The following VPS41 variants were observed in gnomAD, a reference collection of about 807,000 sequenced individuals.
The protein encoded by VPS41 is VPS41 subunit of HOPS complex, also known as vacuolar protein sorting-associated protein 41 homolog.
Under a neutral mutation model 130.9 loss-of-function variants are expected in VPS41, and 85 were observed. The ratio of observed to expected loss-of-function variants is 0.65; its 90% CI spans 0.55 to 0.78. VPS41 has a LOEUF of 0.78. VPS41 is among the 30% of genes least tolerant of loss of function. The probability of loss-of-function intolerance (pLI) is 0.00; values close to 1 mark genes in which losing one functional copy is unlikely to be tolerated. For synonymous variants in VPS41, 335 were observed against 332.9 expected (o/e 1.01, Z -0.07); for missense variants, 874 against 1,018.7 (o/e 0.86, Z 1.93).
At chr7:38,811,001 T>C (rs532340451) in intron 7 of VPS41, among the ~76,000 whole-genome samples, 1 of 152,120 alleles carries the variant, frequency 6.6e-6, no homozygotes, top group Non-Finnish European at 1.5e-5. Context: ...GATATAAACC[T>C]CTATAACTCA....
intron 2 of VPS41, among the ~76,000 whole-genome samples, chr7:38,881,730 G>A (rs113544659): frequency 3.3e-5 from 5 of 152,180 alleles, no homozygotes; most frequent in Middle Eastern, 3.4e-3. Flanking sequence ...TTTGACAAAG[G>A]CCTCCTCAAA....
chr7:38,735,490 T>G (rs1795745019), intron 25 of VPS41, among the ~76,000 whole-genome samples: 1 of 152,112 alleles, frequency 6.6e-6, no homozygotes, highest in Admixed American at 6.5e-5. Context: ...TGTGTACATG[T>G]GTGTGTCTCT....
intron 2 of VPS41, among the ~76,000 whole-genome samples, chr7:38,873,650 T>TAAGCGAAGATATG (rs1299300721): frequency 6.6e-6 from 1 of 152,186 alleles, no homozygotes; most frequent in Non-Finnish European, 1.5e-5. Flanking sequence ...GACTTGCAGC[T>TAAGCGAAGATATG]AAGCGAAGAT....
At chr7:38,893,271 C>T (rs1035314906) in intron 2 of VPS41, among the ~76,000 whole-genome samples, 1 of 152,216 alleles carries the variant, frequency 6.6e-6, no homozygotes, top group Admixed American at 6.5e-5. Flanking sequence ...ATGACTCAGT[C>T]TCTGCACATA....
At position 38,868,749 on chromosome 7, in the gene VPS41, TAATAACTTAATAAAAG is replaced by T. The variant is rs548174716; in HGVS notation, c.168+381_168+396del. Among the ~76,000 whole-genome samples the T allele has an allele frequency of 2.6e-4, 39 of 152,300 alleles. No individual in the cohort carries two copies. The South Asian group carries it at 5.2e-3, about 20-fold the overall frequency. ...CAATGTAATCCCTTATACTTTCCAA[TAATAACTTAATAAAAG>T]AATAACTTAATAAAAGAATAACTTA... On this transcript the variant is annotated intron_variant, in intron 3 of 28. Coordinates refer to ENST00000310301, the MANE Select transcript of VPS41 (RefSeq NM_014396.4).
At chr7:38,803,057 A>G (rs1784762904) in intron 7 of VPS41, among the ~76,000 whole-genome samples, 1 of 152,204 alleles carries the variant, frequency 6.6e-6, no homozygotes, top group African/African-American at 2.4e-5. Flanking sequence ...ATATTTCAAT[A>G]TGAGCCCTCA....
In VPS41 at chr7:38,898,096, A is replaced by C; in HGVS notation, c.55T>G (p.Ser19Ala). The change falls in exon 2 of 29, where the codon TCT becomes GCT. Residue 19 changes from serine to alanine, a missense_variant. Ser to Ala is a moderately conservative substitution (Grantham distance 99, BLOSUM62 1). Transcript: ENST00000310301. The part of the protein sequence containing the change: ...TGSLEESTDE[S>A]EEEESEEEPK... Reference sequence around the variant, plus strand: ...CTCCTGAGTCACCACCTTACCTCAGACTCATCTGTAGATTCTTCAAGGGAC... The same window carrying C: ...CTCCTGAGTCACCACCTTACCTCAGCCTCATCTGTAGATTCTTCAAGGGAC... 6.2e-7 allele frequency: 1 copy of C among 1,613,810 alleles called. No individual in the cohort carries two copies. The highest frequency in any genetic ancestry group is 1.7e-4 in the Middle Eastern group (1 of 6,056).
chr7:38,832,319 CTTTT>C (rs543207806), intron 4 of VPS41, among the ~76,000 whole-genome samples: 17 of 114,744 alleles, frequency 1.5e-4, no homozygotes, highest in African/African-American at 4.9e-4. Flanking sequence ...TTCTTTCTTT[CTTTT>C]TTTTTTTTTT....
chr7:38,729,873 C>G (rs1795627547), intron 25 of VPS41, among the ~76,000 whole-genome samples: 1 of 152,150 alleles, frequency 6.6e-6, no homozygotes, highest in Admixed American at 6.5e-5. Context: ...TAGTAGGAAA[C>G]TGAGAGGCTC....
rs183219668 is a variant in VPS41, at chr7:38,734,765, G to C, written c.2260-5974C>G. 4.6e-5 allele frequency among the ~76,000 whole-genome samples: 7 copies of C among 152,306 alleles called. No homozygotes were observed. In the East Asian group the frequency reaches 1.4e-3, roughly 29 times the overall value. On this transcript the variant is annotated intron_variant, in intron 25 of 28. Coordinates refer to ENST00000310301, the MANE Select transcript of VPS41 (RefSeq NM_014396.4). ...AGATTCTTCGAACACTAAACATTTT[G>C]CTGACATTGCCTTGTTCATACTGCA...
At chr7:38,742,226 A>C in intron 24 of VPS41, 105 bp from the exon 25 acceptor site, 1 of 1,090,344 alleles carries the variant, frequency 9.2e-7, no homozygotes, top group Non-Finnish European at 1.3e-6. Context: ...AAGTAACTCA[A>C]AGAAAAAATT....
chr7:38,727,460 C>T lies in VPS41; in HGVS notation c.2405-472G>A, dbSNP rs1795570048. ...ACTGCACTTGTGCTTGGGCAGATCC[C>T]CTCATCTGTTCCTGCTCTGTGTGGC... On this transcript the variant is annotated intron_variant, in intron 27 of 28. Transcript: ENST00000310301. 2.0e-5 allele frequency among the ~76,000 whole-genome samples: 3 copies of T among 152,124 alleles called. No homozygotes were observed. The South Asian group carries it at 6.2e-4, about 32-fold the overall frequency.
chr7:38,796,997 A>ATT, intron 7 of VPS41, 133 bp from the exon 8 acceptor site: 1 of 964,676 alleles, frequency 1.0e-6, no homozygotes, highest in African/African-American at 1.6e-5. Flanking sequence ...ATGTAGACTT[A>ATT]CAGTAGTATG....
Position 38,728,829 on chromosome 7 carries a change from A to G in VPS41, c.2260-38T>C, listed in dbSNP as rs1230221170. 8.8e-6 allele frequency: 14 copies of G among 1,590,058 alleles called. No homozygotes were observed. The East Asian group carries it at 3.1e-4, about 36-fold the overall frequency. On this transcript the variant is annotated intron_variant, in intron 25 of 28. Coordinates refer to ENST00000310301, the MANE Select transcript of VPS41 (RefSeq NM_014396.4). ...TTTTAAAAGAAAAGCCATCTTAAGT[A>G]GACTCAAATCTGAGGGGTGAAGGGA...
At chr7:38,761,602 C>A (rs1179470272) in intron 17 of VPS41, among the ~76,000 whole-genome samples, 1 of 143,374 alleles carries the variant, frequency 7.0e-6, no homozygotes, top group Non-Finnish European at 1.5e-5. Flanking sequence ...CTCTTTCTTT[C>A]TTTTTGTGAG....
At chr7:38,734,276 G>A (rs17700262) in intron 25 of VPS41, among the ~76,000 whole-genome samples, 35,603 of 152,022 alleles carry the variant, frequency 0.23, 4,847 homozygotes, top group East Asian at 0.43. Flanking sequence ...AAATCTAGGG[G>A]TCAATTTCTT....
At chr7:38,878,335 C>A (rs1307239839) in intron 2 of VPS41, among the ~76,000 whole-genome samples, 1 of 152,148 alleles carries the variant, frequency 6.6e-6, no homozygotes, top group Non-Finnish European at 1.5e-5. Context: ...CAGAAAGGTA[C>A]ATGGCTCAGG....
chr7:38,795,748 T>A, intron 8 of VPS41, 137 bp from the exon 9 acceptor site: 1 of 709,142 alleles, frequency 1.4e-6, no homozygotes, highest in African/African-American at 1.8e-5. Flanking sequence ...GCAAGGAAAA[T>A]GCTCCTGCTC....
chr7:38,898,273 G>C, intron 1 of VPS41, 144 bp from the exon 2 acceptor site: 1 of 622,660 alleles, frequency 1.6e-6, no homozygotes, highest in Non-Finnish European at 2.8e-6. Flanking sequence ...AGGACCACAT[G>C]CTCTGACTTT....
Sources: allele counts gnomAD v4.1 joint callset (sites outside exome capture counted in the v4.1 genomes callset), GRCh38; gene constraint gnomAD v4.1.1; transcripts MANE v1.5; gene names NCBI Gene and HGNC (gene_info 2026-07-23, HGNC 2026-07-21).